NFATC2: variants seen among roughly 807,000 people sequenced by gnomAD.
The protein encoded by NFATC2 is nuclear factor of activated T-cells, cytoplasmic 2.
NFATC2 carries 22 observed loss-of-function variants against 87.3 expected under a neutral mutation model. The ratio of observed to expected loss-of-function variants is 0.25; its 90% CI spans 0.18 to 0.36. NFATC2 has a LOEUF of 0.36. Among genes scored for constraint, NFATC2 ranks in the 10% least tolerant of loss-of-function variants. The probability of loss-of-function intolerance (pLI) is 1.00; values close to 1 mark genes in which losing one functional copy is unlikely to be tolerated. For missense variants in NFATC2, 1,149 were observed against 1,259.1 expected (o/e 0.91, Z 1.32); for synonymous variants, 565 against 542.2 (o/e 1.04, Z -0.58).
intron 1 of NFATC2, among the ~76,000 whole-genome samples, chr20:51,548,909 G>T (rs1161289478): frequency 6.6e-6 from 1 of 152,200 alleles, no homozygotes; most frequent in East Asian, 1.9e-4. Context: ...CCAGCCTCTA[G>T]CCTGGTTCCA....
chr20:51,520,145 T>C (rs976288765), intron 2 of NFATC2, among the ~76,000 whole-genome samples: 1 of 152,148 alleles, frequency 6.6e-6, no homozygotes, highest in Non-Finnish European at 1.5e-5. Context: ...ACTCAAAACC[T>C]CTCTGATCAA....
At chr20:51,452,311 C>T (rs939235578) in intron 6 of NFATC2, among the ~76,000 whole-genome samples, 3 of 152,148 alleles carry the variant, frequency 2.0e-5, no homozygotes, top group African/African-American at 4.8e-5. Context: ...CACCAGACTC[C>T]CCTGGTTCTC....
At chr20:51,398,837 T>C (rs1190642831) in intron 9 of NFATC2, 107 bp from the exon 10 acceptor site, 3 of 784,782 alleles carry the variant, frequency 3.8e-6, no homozygotes, top group Non-Finnish European at 4.3e-6. Context: ...AGGAGGGAAC[T>C]TAACCCTTTG....
intron 3 of NFATC2, among the ~76,000 whole-genome samples, chr20:51,486,772 A>G (rs948733241): frequency 9.9e-5 from 15 of 152,098 alleles, no homozygotes; most frequent in African/African-American, 3.6e-4. Flanking sequence ...CGACTCTGAG[A>G]AAGGAGGCTC....
At chr20:51,552,737 C>T (rs1472427143) in intron 1 of NFATC2, among the ~76,000 whole-genome samples, 2 of 152,128 alleles carry the variant, frequency 1.3e-5, no homozygotes, top group Non-Finnish European at 1.5e-5. Context: ...GGAGCTCCAC[C>T]AAGTCCATCC....
chr20:51,541,364 C>G (rs1169137690), intron 1 of NFATC2, among the ~76,000 whole-genome samples: 1 of 152,120 alleles, frequency 6.6e-6, no homozygotes, highest in African/African-American at 2.4e-5. Flanking sequence ...AATCAGGAAG[C>G]CTGGTTGGGT....
At chr20:51,479,126 C>T (rs1989010352) in intron 3 of NFATC2, among the ~76,000 whole-genome samples, 4 of 152,016 alleles carry the variant, frequency 2.6e-5, no homozygotes, top group Admixed American at 2.6e-4. Flanking sequence ...TTTTTTTCCC[C>T]CTGGAAAACT....
chr20:51,523,359 G>A lies in NFATC2; in HGVS notation c.882C>T (p.Tyr294=), dbSNP rs1221294335. Residue 294 remains tyrosine, a synonymous_variant, in exon 2 of 11, where the codon TAC becomes TAT. Transcript: ENST00000371564. The surrounding 1 kb of genome is among the most constrained non-coding windows in gnomAD (Gnocchi z 6.9). ...APQDHGSPAG[Y]PPVAGSAVIM... ...TCACGGCAGAGCCAGCCACAGGGGG[G>A]TACCCAGCCGGGGAGCCGTGGTCCT... 3.7e-6 allele frequency: 6 copies of A among 1,611,710 alleles called. No homozygotes were observed. The South Asian group carries it at 6.6e-5, about 18-fold the overall frequency.
chr20:51,544,284 G>A (rs1448417418), upstream of NFATC2, among the ~76,000 whole-genome samples: 2 of 152,040 alleles, frequency 1.3e-5, no homozygotes, highest in African/African-American at 2.4e-5. Context: ...ACCACGCCCG[G>A]CCTGAAAATT....
chr20:51,468,524 G>T (rs532569886), intron 5 of NFATC2, among the ~76,000 whole-genome samples: 4 of 152,364 alleles, frequency 2.6e-5, no homozygotes, highest in Admixed American at 1.3e-4. Context: ...AGGCCCATCT[G>T]CTGGGCAGGG....
At chr20:51,472,064 C>T (rs145189495) in intron 5 of NFATC2, among the ~76,000 whole-genome samples, 2 of 152,246 alleles carry the variant, frequency 1.3e-5, no homozygotes, top group African/African-American at 4.8e-5. Context: ...ACCAGCCTGG[C>T]CAACATGGCG....
Position 51,435,303 on chromosome 20 carries a change from A to G in NFATC2, c.1917T>C (p.Phe639=). The part of the protein sequence containing the change: ...DKDKSQPNML[F]VEIPEYRNKH... The stretch of plus-strand genomic sequence containing the variant: ...TGTTCCGATATTCAGGGATCTCAAC[A>G]AAAAGCATGTTCTATAAGGAAGGAG... The change falls in exon 8 of 11, where the codon TTT becomes TTC. Residue 639 remains phenylalanine, a synonymous_variant. Coordinates refer to ENST00000371564, the MANE Select transcript of NFATC2 (RefSeq NM_012340.5). The G allele has an allele frequency of 6.2e-7, 1 of 1,614,174 alleles. No homozygotes were observed. The highest frequency in any genetic ancestry group is 1.3e-5 in the African/African-American group (1 of 75,052).
At chr20:51,517,923 A>AC (rs1436919631) in intron 2 of NFATC2, among the ~76,000 whole-genome samples, 1 of 151,804 alleles carries the variant, frequency 6.6e-6, no homozygotes, top group African/African-American at 2.4e-5. Context: ...AAAAAAAAAA[A>AC]AAAACATAAA....
chr20:51,532,187 T>C (rs1250190831), intron 1 of NFATC2, among the ~76,000 whole-genome samples: 1 of 152,174 alleles, frequency 6.6e-6, no homozygotes, highest in Non-Finnish European at 1.5e-5. Context: ...AAGAACCCTA[T>C]GAAGCAGCTG....
At position 51,551,890 on chromosome 20, in the gene NFATC2, G is replaced by A. The variant is rs537835171; in HGVS notation, c.70+10670C>T. ...AAAATACAAAAAGTTAGCCGGGTGT[G>A]GTGGCGGGTGCCTGTAGTCCCAGCT... is the stretch of plus-strand genomic sequence containing the variant. On this transcript the variant is annotated intron_variant, in intron 1 of 10. Transcript: ENST00000414705. Among the ~76,000 whole-genome samples, 18 of 152,136 alleles carry A rather than the reference G, an allele frequency of 1.2e-4. No homozygotes were observed. The East Asian group carries it at 3.5e-3, about 30-fold the overall frequency.
intron 1 of NFATC2, among the ~76,000 whole-genome samples, chr20:51,526,714 A>G (rs1161103802): frequency 6.6e-6 from 1 of 152,134 alleles, no homozygotes; most frequent in Non-Finnish European, 1.5e-5. Context: ...AATACTGTCC[A>G]GTTTAGCCAA....
chr20:51,463,843 C>T (rs1987397526), intron 5 of NFATC2, among the ~76,000 whole-genome samples: 1 of 152,188 alleles, frequency 6.6e-6, no homozygotes, highest in Admixed American at 6.5e-5. Context: ...AATGAGTTAA[C>T]CTCAGTGCAT....
At chr20:51,424,400 T>C (rs1383050455) in intron 9 of NFATC2, among the ~76,000 whole-genome samples, 1 of 152,062 alleles carries the variant, frequency 6.6e-6, no homozygotes, top group Non-Finnish European at 1.5e-5. Flanking sequence ...AGGAGGAAAA[T>C]GTCACTGCGG....
intron 3 of NFATC2, among the ~76,000 whole-genome samples, chr20:51,489,859 A>G (rs575642947): frequency 6.6e-6 from 1 of 152,362 alleles, no homozygotes; most frequent in Admixed American, 6.5e-5. Flanking sequence ...CTAGAAAGGT[A>G]TTCCCAAGAG....
Sources: allele counts gnomAD v4.1 joint callset (sites outside exome capture counted in the v4.1 genomes callset), GRCh38; gene constraint gnomAD v4.1.1; non-coding constraint Gnocchi (gnomAD v3.1); transcripts MANE v1.5; gene names NCBI Gene and HGNC (gene_info 2026-07-23, HGNC 2026-07-21).